Variants in EIF3E observed in about 807,000 individuals in gnomAD.
EIF3E encodes the protein eIF-3 p48.
EIF3E carries 25 observed loss-of-function variants against 59.3 expected under a neutral mutation model. The ratio of observed to expected loss-of-function variants is 0.42; its 90% CI spans 0.31 to 0.59. The LOEUF is 0.59. Among genes scored for constraint, EIF3E ranks in the 20% least tolerant of loss-of-function variants. The probability of loss-of-function intolerance (pLI) is 0.15; values close to 1 mark genes in which losing one functional copy is unlikely to be tolerated. For synonymous variants in EIF3E, 176 were observed against 170.2 expected (o/e 1.03, Z -0.26); for missense variants, 317 against 534.3 (o/e 0.59, Z 4.01).
chr8:108,224,366 T>A (rs891503307), intron 7 of EIF3E, among the ~76,000 whole-genome samples: 1 of 151,420 alleles, frequency 6.6e-6, no homozygotes, highest in Non-Finnish European at 1.5e-5. Context: ...CAGAGACAAC[T>A]GAAAAACACA....
chr8:108,244,779 A>G (rs1047174658), intron 1 of EIF3E, among the ~76,000 whole-genome samples: 6 of 152,048 alleles, frequency 3.9e-5, no homozygotes, highest in African/African-American at 1.4e-4. Flanking sequence ...CCAACTATAT[A>G]CAATTCAGTG....
intron 1 of EIF3E, among the ~76,000 whole-genome samples, chr8:108,247,557 T>G (rs1433180372): frequency 6.6e-6 from 1 of 152,200 alleles, no homozygotes; most frequent in East Asian, 1.9e-4. Context: ...AAAAGGTGCA[T>G]ATGAATATGA....
At chr8:108,219,405 AAG>A (rs1192069797) in intron 7 of EIF3E, among the ~76,000 whole-genome samples, 3 of 152,202 alleles carry the variant, frequency 2.0e-5, no homozygotes, top group African/African-American at 7.2e-5. Flanking sequence ...CTTCTATAAA[AAG>A]AGAGGAAACA....
In EIF3E at chr8:108,248,685, C is replaced by CA. The variant is rs1563640728; in HGVS notation, c.17dup (p.Leu6PhefsTer19). The CA allele has an allele frequency of 6.2e-7, 1 of 1,614,188 alleles. No homozygotes were observed. Among genetic ancestry groups the CA allele is most frequent in the East Asian group, 2.2e-5 (1 of 44,870 alleles). On this transcript the variant is annotated frameshift_variant, in exon 1 of 13. Transcript: ENST00000220849. LOFTEE classifies it high-confidence loss of function. ...CCAAAAAGTGCGCGATGCGAGTAGT[C>CA]AAGTCGTACTCCGCCATCTTGCCAA...
intron 5 of EIF3E, chr8:108,233,552 T>A (rs1313383558): frequency 1.1e-5 from 2 of 178,892 alleles, no homozygotes; most frequent in Admixed American, 6.2e-5. Flanking sequence ...TAGAGAAATC[T>A]TAGACAGGCA....
At chr8:108,205,177 G>C (rs1434760794) in intron 10 of EIF3E, among the ~76,000 whole-genome samples, 1 of 152,032 alleles carries the variant, frequency 6.6e-6, no homozygotes, top group Non-Finnish European at 1.5e-5. Context: ...ACATCAGTTA[G>C]GTGCTTTCAT....
At chr8:108,202,646 T>C (rs544439612) in intron 12 of EIF3E, among the ~76,000 whole-genome samples, 4 of 152,092 alleles carry the variant, frequency 2.6e-5, no homozygotes, top group South Asian at 2.1e-4. Context: ...TTTCGAACAC[T>C]TGAAAGAGGG....
Position 108,214,659 on chromosome 8 carries a change from G to C in EIF3E, c.1009C>G (p.Arg337Gly). The change falls in exon 10 of 13, where the codon CGT (arginine) becomes GGT (glycine). Residue 337 changes from arginine (R) to glycine (G), a missense_variant. Physicochemically the swap from Arg to Gly is moderately radical, Grantham distance 125. This residue lies in a region of EIF3E where 242 missense variants were observed against 398.0 expected (regional missense o/e 0.61). Coordinates refer to ENST00000220849, the MANE Select transcript of EIF3E (RefSeq NM_001568.3). Reference protein sequence around the residue: ...ACLEDFIENARLFIFETFCRI... With the variant: ...ACLEDFIENAGLFIFETFCRI... ...CAGAAAGTCTCAAATATGAAGAGACGGGCATTTTCAATGAAATCCTCAAGA... is the reference window on the plus strand; with the variant it reads ...CAGAAAGTCTCAAATATGAAGAGACCGGCATTTTCAATGAAATCCTCAAGA... 6.2e-7 allele frequency: 1 copy of C among 1,611,288 alleles called. No individual in the cohort carries two copies. The highest frequency in any genetic ancestry group is 8.5e-7 in the Non-Finnish European group (1 of 1,179,218).
rs766841072 is a variant in EIF3E, at chr8:108,224,371, AAC to A, written c.722+3894_722+3895del. 1.3e-5 allele frequency among the ~76,000 whole-genome samples: 2 copies of A among 151,578 alleles called. 1 individual carries two copies. The highest frequency in any genetic ancestry group is 4.9e-5 in the African/African-American group (2 of 40,836). ...AAATCTTAAACAGAGACAACTGAAA[AAC>A]ACATACTGATTATAGATATACAAAT... On this transcript the variant is annotated intron_variant, in intron 7 of 12. Coordinates refer to ENST00000220849, the MANE Select transcript of EIF3E (RefSeq NM_001568.3).
At chr8:108,238,922 CAA>C (rs1238687543) in intron 3 of EIF3E, among the ~76,000 whole-genome samples, 2 of 152,068 alleles carry the variant, frequency 1.3e-5, no homozygotes, top group Non-Finnish European at 2.9e-5. Context: ...TCTAGTAACC[CAA>C]AAGACTTCCA....
In EIF3E at chr8:108,233,882, A is replaced by G. The variant is rs375416232; in HGVS notation, c.471+1116T>C. ...AAAAAAGAAATCTTAGACTTTAAGT[A>G]CCTACTTACTAGTCCAAGGTAACAA... is the stretch of plus-strand genomic sequence containing the variant. On this transcript the variant is annotated intron_variant, in intron 5 of 12. Transcript: ENST00000220849. 4.6e-5 allele frequency among the ~76,000 whole-genome samples: 7 copies of G among 151,070 alleles called. No homozygotes were observed. In the East Asian group the frequency reaches 1.4e-3, roughly 30 times the overall value.
At chr8:108,228,813 GA>G (rs1186807052) in intron 6 of EIF3E, among the ~76,000 whole-genome samples, 1 of 151,862 alleles carries the variant, frequency 6.6e-6, no homozygotes, top group African/African-American at 2.4e-5. Flanking sequence ...GACTGGCATA[GA>G]AAAAAAGGGC....
chr8:108,240,292 C>T (rs1219169570), intron 2 of EIF3E, among the ~76,000 whole-genome samples: 2 of 152,110 alleles, frequency 1.3e-5, no homozygotes, highest in African/African-American at 4.8e-5. Flanking sequence ...AAAAGGGAAT[C>T]CTCTTCCTAC....
intron 5 of EIF3E, among the ~76,000 whole-genome samples, chr8:108,232,554 A>G (rs1202853306): frequency 2.0e-5 from 3 of 152,188 alleles, no homozygotes; most frequent in Admixed American, 6.5e-5. Flanking sequence ...CACCAAACCT[A>G]CAAGTACAAA....
intron 7 of EIF3E, among the ~76,000 whole-genome samples, chr8:108,224,061 C>CA (rs879861994): frequency 4.7e-4 from 66 of 140,274 alleles, no homozygotes; most frequent in Middle Eastern, 3.6e-3. Context: ...ACTAAAAATA[C>CA]AAAAAAAAAA....
rs1815306958 is a variant in EIF3E, at chr8:108,216,419, C to T, written c.944G>A (p.Cys315Tyr). 3 of 1,604,146 alleles carry T rather than the reference C, an allele frequency of 1.9e-6. No homozygotes were observed. Among genetic ancestry groups the T allele is most frequent in the Admixed American group, 3.5e-5 (2 of 57,610 alleles). The change falls in exon 9 of 13, where the codon TGT becomes TAT. Residue 315 changes from cysteine (C) to tyrosine (Y), a missense_variant. Around this residue, in one of 4 missense-constraint regions of EIF3E, gnomAD observed 242 missense variants for 398.0 expected, o/e 0.61. Transcript: ENST00000220849. The part of the protein sequence containing the change: ...FDGAQKKLRE[C>Y]ESVLVNDFFL... ...ATAAAAATTCACACTTACTGATTCA[C>T]ATTCCCTCAGCTTTTTCTGAGCCCC...
chr8:108,203,523 A>T lies in EIF3E; in HGVS notation c.1062-20T>A. 1 of 1,604,328 alleles carries T rather than the reference A, an allele frequency of 6.2e-7. No homozygotes were observed. The highest frequency in any genetic ancestry group is 8.5e-7 in the Non-Finnish European group (1 of 1,171,652). On this transcript the variant is annotated intron_variant, in intron 10 of 12. Transcript: ENST00000220849. ...AACATGCTAATGAAAAAGTAAAAAC[A>T]GCAATGTTAATTAACTGGGCCTAAA...
intron 10 of EIF3E, among the ~76,000 whole-genome samples, chr8:108,204,742 T>TAGAG (rs1440441943): frequency 3.9e-5 from 4 of 103,808 alleles, no homozygotes; most frequent in Middle Eastern, 4.3e-3. Flanking sequence ...TATATATATA[T>TAGAG]ATATAGAGAG....
At position 108,248,621 on chromosome 8, in the gene EIF3E, CAG is replaced by C. The variant is rs1172766648; in HGVS notation, c.80_81del (p.Ser27CysfsTer6). 1 of 1,613,902 alleles carries C rather than the reference CAG, an allele frequency of 6.2e-7. No individual in the cohort carries two copies. Among genetic ancestry groups the C allele is most frequent in the Non-Finnish European group, 8.5e-7 (1 of 1,179,988 alleles). Reference sequence around the variant, plus strand: ...CCCAAAGACCCCCTCACCTCCTTTACAGAGAGAAATTCAAGAAGCGGAAAGAC... The same window carrying C: ...CCCAAAGACCCCCTCACCTCCTTTACAGAGAAATTCAAGAAGCGGAAAGAC... ...HLVFPLLEFL[S>X]VKEIYNEKEL... is the part of the protein sequence containing the mutation. On this transcript the variant is annotated frameshift_variant, in exon 1 of 13. Transcript: ENST00000220849. LOFTEE classifies it high-confidence loss of function.
Sources: allele counts gnomAD v4.1 joint callset (sites outside exome capture counted in the v4.1 genomes callset), GRCh38; gene constraint gnomAD v4.1.1; regional missense constraint gnomAD v4.1.1; transcripts MANE v1.5; gene names NCBI Gene and HGNC (gene_info 2026-07-23, HGNC 2026-07-21).